Variants in PPM1L observed in about 807,000 individuals in gnomAD.
PPM1L encodes protein phosphatase, Mg2+/Mn2+ dependent 1L.
PPM1L carries 13 observed loss-of-function variants against 31.4 expected under a neutral mutation model. That is an observed-to-expected ratio of 0.41 (90% CI 0.27 to 0.66). PPM1L has a LOEUF of 0.66. Among genes scored for constraint, PPM1L ranks in the 30% least tolerant of loss-of-function variants. The probability of loss-of-function intolerance (pLI) is 0.29; values close to 1 mark genes in which losing one functional copy is unlikely to be tolerated. For synonymous variants in PPM1L, 184 were observed against 175.4 expected, an observed-to-expected ratio of 1.05 and a Z score of -0.39; for missense variants, 326 against 453.7, an observed-to-expected ratio of 0.72 and a Z score of 2.56.
chr3:160,912,905 G>A lies in PPM1L; in HGVS notation c.400-48831G>A, dbSNP rs182140095. Among the ~76,000 whole-genome samples the A allele has an allele frequency of 4.6e-5, 7 of 152,288 alleles. No homozygotes were observed. The East Asian group carries it at 1.4e-3, about 29-fold the overall frequency. ...GACTTTGGAAACAGAATGGCTGTAG[G>A]AAGTGATGAAGAATGATGTAGATAA... On this transcript the variant is annotated intron_variant, in intron 1 of 3. Transcript: ENST00000498165.
At chr3:160,769,615 G>GT (rs1715195295) in intron 1 of PPM1L, among the ~76,000 whole-genome samples, 1 of 151,332 alleles carries the variant, frequency 6.6e-6, no homozygotes, top group Non-Finnish European at 1.5e-5. Flanking sequence ...CAACAAGGTG[G>GT]GTTTTTTTTT....
intron 1 of PPM1L, among the ~76,000 whole-genome samples, chr3:160,786,187 G>GTGTGTATA (rs1302285733): frequency 1.0e-4 from 4 of 39,444 alleles, no homozygotes; most frequent in African/African-American, 1.9e-4. Flanking sequence ...GTGTGTGTGT[G>GTGTGTATA]TATATATATA....
intron 1 of PPM1L, among the ~76,000 whole-genome samples, chr3:160,836,378 A>T (rs1037808297): frequency 3.3e-5 from 5 of 152,142 alleles, no homozygotes; most frequent in African/African-American, 1.2e-4. Context: ...AGCAGTGTGA[A>T]TAGTGGGCAG....
At chr3:160,765,789 G>C (rs1715087600) in intron 1 of PPM1L, among the ~76,000 whole-genome samples, 1 of 152,142 alleles carries the variant, frequency 6.6e-6, no homozygotes. Context: ...GGATGTGTTT[G>C]CATAACTTTT....
chr3:160,797,684 T>C (rs974302772), intron 1 of PPM1L, among the ~76,000 whole-genome samples: 1 of 152,200 alleles, frequency 6.6e-6, no homozygotes, highest in Non-Finnish European at 1.5e-5. Flanking sequence ...TTCTTGCCAA[T>C]ACGGGAAAAG....
In PPM1L at chr3:161,069,508, AG is replaced by A. The variant is rs1719845776; in HGVS notation, c.*352del. On this transcript the variant is annotated 3_prime_UTR_variant, in exon 4 of 4. Coordinates refer to ENST00000498165, the MANE Select transcript of PPM1L (RefSeq NM_139245.4). The stretch of plus-strand genomic sequence containing the variant: ...TCCTGTTCAGGGTCCTCCAGGCATC[AG>A]CTGTTGTGTCCTCTCTTTGTAACAG... 1 of 263,116 alleles carries A rather than the reference AG, an allele frequency of 3.8e-6. No individual in the cohort carries two copies. The highest frequency in any genetic ancestry group is 7.4e-6 in the Non-Finnish European group (1 of 135,874). The allele number at this position is 263,116 out of a possible 1,614,324, so 16.3% of individuals were successfully genotyped here. A position where few individuals can be genotyped will look rare whatever the true frequency, so the allele number is the denominator to read the frequency against.
In PPM1L at chr3:160,839,797, G is replaced by T. The variant is rs897275526; in HGVS notation, c.399+83090G>T. ...AGCTGACACACTCAGTTTTGAACTTGGGCAGCTCAGAACCAGATCCTAGAC... is the reference window on the plus strand; with the variant it reads ...AGCTGACACACTCAGTTTTGAACTTTGGCAGCTCAGAACCAGATCCTAGAC... On this transcript the variant is annotated intron_variant, in intron 1 of 3. Coordinates refer to ENST00000498165, the MANE Select transcript of PPM1L (RefSeq NM_139245.4). 2.0e-5 allele frequency among the ~76,000 whole-genome samples: 3 copies of T among 152,254 alleles called. No homozygotes were observed. In the South Asian group the frequency reaches 6.2e-4, roughly 32 times the overall value.
At chr3:161,001,449 A>C (rs1171203229) in intron 2 of PPM1L, among the ~76,000 whole-genome samples, 5 of 151,878 alleles carry the variant, frequency 3.3e-5, no homozygotes, top group Non-Finnish European at 5.9e-5. Context: ...TGCCCAGCTA[A>C]TTTTTGTATT....
intron 1 of PPM1L, among the ~76,000 whole-genome samples, chr3:160,804,092 T>C (rs1467481885): frequency 4.7e-5 from 7 of 147,872 alleles, no homozygotes; most frequent in African/African-American, 1.3e-4. Context: ...TAATTTTTTT[T>C]CTTTTTTTTT....
rs754646707 is a variant in PPM1L, at chr3:161,075,114, G to C, written c.*5957G>C. On this transcript the variant is annotated 3_prime_UTR_variant, in exon 4 of 4. Transcript: ENST00000498165. ...CGGGTTACTCGCTGCCACTTCAGGAGAGGGATTGTATCAGCTCTCATTACC... is the reference window on the plus strand; with the variant it reads ...CGGGTTACTCGCTGCCACTTCAGGACAGGGATTGTATCAGCTCTCATTACC... 6.6e-6 allele frequency: 1 copy of C among 152,158 alleles called. No individual in the cohort carries two copies. Among genetic ancestry groups the C allele is most frequent in the African/African-American group, 2.4e-5 (1 of 41,432 alleles). The allele number at this position is 152,158 out of a possible 1,614,324, so 9.4% of individuals were successfully genotyped here. A position where few individuals can be genotyped will look rare whatever the true frequency, so the allele number is the denominator to read the frequency against.
chr3:160,861,980 T>C (rs576644330), intron 1 of PPM1L, among the ~76,000 whole-genome samples: 4 of 152,304 alleles, frequency 2.6e-5, no homozygotes, highest in African/African-American at 9.6e-5. Context: ...ACCTAAGTAA[T>C]GCAGGAAAAT....
At chr3:160,851,744 G>A (rs567610986) in intron 1 of PPM1L, among the ~76,000 whole-genome samples, 2 of 152,242 alleles carry the variant, frequency 1.3e-5, no homozygotes, top group African/African-American at 2.4e-5. Context: ...GATACTTGGG[G>A]AATGAAGAGA....
intron 1 of PPM1L, among the ~76,000 whole-genome samples, chr3:160,899,101 A>G (rs1000465388): frequency 4.6e-5 from 7 of 152,176 alleles, no homozygotes; most frequent in African/African-American, 1.7e-4. Flanking sequence ...CCTACTGAAT[A>G]GATGATAGTA....
chr3:160,969,804 A>AC (rs1716265388), intron 2 of PPM1L, among the ~76,000 whole-genome samples: 1 of 152,208 alleles, frequency 6.6e-6, no homozygotes, highest in Non-Finnish European at 1.5e-5. Context: ...AACCTCTGAC[A>AC]CCAACTTCTT....
chr3:160,831,322 A>G (rs1211527715), intron 1 of PPM1L, among the ~76,000 whole-genome samples: 6 of 152,190 alleles, frequency 3.9e-5, no homozygotes, highest in Non-Finnish European at 5.9e-5. Context: ...ACAAGGGAAT[A>G]TGAAGTGTGA....
intron 1 of PPM1L, among the ~76,000 whole-genome samples, chr3:160,960,616 G>A (rs989726776): frequency 4.1e-5 from 6 of 146,666 alleles, no homozygotes; most frequent in Non-Finnish European, 8.9e-5. Context: ...TTTTATACTG[G>A]TTATGAATAT....
In PPM1L at chr3:160,766,013, G is replaced by C. The variant is rs190844170; in HGVS notation, c.399+9306G>C. Among the ~76,000 whole-genome samples, 5 of 152,238 alleles carry C rather than the reference G, an allele frequency of 3.3e-5. No individual in the cohort carries two copies. The East Asian group carries it at 9.7e-4, about 29-fold the overall frequency. ...CTTAGCCAAACTTAAGTCAAGCCAA[G>C]CTTTGGTTATGGCTAGTTATAATCT... On this transcript the variant is annotated intron_variant, in intron 1 of 3. Coordinates refer to ENST00000498165, the MANE Select transcript of PPM1L (RefSeq NM_139245.4).
chr3:160,801,505 T>C (rs527397329), intron 1 of PPM1L, among the ~76,000 whole-genome samples: 19 of 152,336 alleles, frequency 1.2e-4, no homozygotes, highest in African/African-American at 4.6e-4. Context: ...ATCATCTATA[T>C]TTTCTAAGTT....
chr3:160,945,039 CAT>C (rs57015036), intron 1 of PPM1L, among the ~76,000 whole-genome samples: 2,711 of 11,814 alleles, frequency 0.23, 590 homozygotes, highest in Middle Eastern at 0.5. Flanking sequence ...CTATATATAA[CAT>C]ATATATTATA....
Sources: gnomAD v4.1 joint callset for allele counts (sites outside exome capture counted in the v4.1 genomes callset) on GRCh38, gnomAD v4.1.1 for gene constraint, MANE v1.5 for transcripts, NCBI Gene and HGNC (gene_info 2026-07-23, HGNC 2026-07-21) for gene names.